The following COX15 variants were observed in gnomAD, a reference collection of about 807,000 sequenced individuals.
COX15 encodes the protein heme A synthase COX15.
COX15 carries 51 observed loss-of-function variants against 51.9 expected under a neutral mutation model. The observed-to-expected ratio is 0.98, with a 90% CI of 0.78 to 1.24. The LOEUF is 1.24. Among genes scored for constraint, COX15 ranks in the 50% most tolerant of loss-of-function variants. The pLI is 0.00. For synonymous variants in COX15, 188 were observed against 190.5 expected (o/e 0.99, Z 0.11); for missense variants, 420 against 501.1 (o/e 0.84, Z 1.55).
intron 7 of COX15, among the ~76,000 whole-genome samples, chr10:99,717,330 T>C (rs995303262): frequency 4.6e-5 from 7 of 152,202 alleles, no homozygotes; most frequent in African/African-American, 1.7e-4. Flanking sequence ...ACTTGATCTT[T>C]CTTCACCTTT....
At chr10:99,695,978 T>G in the COX15 span, 9 of 1,613,630 alleles carry the variant, frequency 5.6e-6, no homozygotes, top group African/African-American at 1.2e-4. Flanking sequence ...AAGATCCTGC[T>G]GGCTGAGTTC....
At chr10:99,727,269 T>G (rs1297791580) in intron 3 of COX15, 115 bp from the exon 4 acceptor site, 5 of 1,426,252 alleles carry the variant, frequency 3.5e-6, no homozygotes, top group Non-Finnish European at 4.9e-6. Context: ...AGGTCTGCCC[T>G]CTTCCTCATC....
In COX15 at chr10:99,724,134, C is replaced by G. The variant is rs1403014923; in HGVS notation, c.583-11G>C. The G allele has an allele frequency of 4.3e-6, 7 of 1,614,002 alleles. No homozygotes were observed. The South Asian group carries it at 6.6e-5, about 15-fold the overall frequency. On this transcript the variant is annotated splice_polypyrimidine_tract_variant and intron_variant, in intron 4 of 8. Coordinates refer to ENST00000016171, the MANE Select transcript of COX15 (RefSeq NM_078470.6). Reference sequence around the variant, plus strand: ...CCATCCCAACAGACCCTAGAACCCCCAAGAGATGAAGCAAACAAAACAAGG... The same window carrying G: ...CCATCCCAACAGACCCTAGAACCCCGAAGAGATGAAGCAAACAAAACAAGG...
At chr10:99,723,452 T>A (rs1564648016) in intron 5 of COX15, among the ~76,000 whole-genome samples, 1 of 151,686 alleles carries the variant, frequency 6.6e-6, no homozygotes, top group African/African-American at 2.4e-5. Context: ...AAGACTCATT[T>A]AAAAAAAAAT....
Position 99,711,410 on chromosome 10 carries a change from CCTTT to C in COX15, c.*3173_*3176del. The C allele has an allele frequency of 1.0e-6, 1 of 985,210 alleles. No homozygotes were observed. Among genetic ancestry groups the C allele is most frequent in the Non-Finnish European group, 1.2e-6 (1 of 829,922 alleles). 61.0% of individuals were successfully genotyped at this position (985,210 alleles called of 1,614,324 possible). A position where few individuals can be genotyped will look rare whatever the true frequency, so the allele number is the denominator to read the frequency against. ...GAACCTGCCTCAGGAACTACAGTTC[CCTTT>C]CTTTGAAGGATTCTATCCAGAAGAG... On this transcript the variant is annotated 3_prime_UTR_variant, in exon 9 of 9. Transcript: ENST00000016171.
intron 2 of COX15, among the ~76,000 whole-genome samples, chr10:99,729,155 GA>G (rs2037054174): frequency 6.6e-6 from 1 of 152,110 alleles, no homozygotes; most frequent in Non-Finnish European, 1.5e-5. Flanking sequence ...AGCTAGACTA[GA>G]TGCTCTGTAA....
In COX15 at chr10:99,711,429, A is replaced by G. The variant is rs2036381948; in HGVS notation, c.*3158T>C. ...CAGTTCCCTTTCTTTGAAGGATTCT[A>G]TCCAGAAGAGACCATATCCTACTAA... On this transcript the variant is annotated 3_prime_UTR_variant, in exon 9 of 9. Coordinates refer to ENST00000016171, the MANE Select transcript of COX15 (RefSeq NM_078470.6). 1 of 985,454 alleles carries G rather than the reference A, an allele frequency of 1.0e-6. No individual in the cohort carries two copies. Among genetic ancestry groups the G allele is most frequent in the Non-Finnish European group, 1.2e-6 (1 of 829,922 alleles). The allele number at this position is 985,454 out of a possible 1,614,324, so 61.0% of individuals were successfully genotyped here.
intron 2 of COX15, 43 bp from the exon 3 acceptor site, chr10:99,727,606 G>T (rs757743092): frequency 1.2e-6 from 2 of 1,607,696 alleles, no homozygotes; most frequent in Non-Finnish European, 8.5e-7. Flanking sequence ...CGTGAGGCTG[G>T]ATTACTCACA....
Position 99,732,084 on chromosome 10 carries a change from C to G in COX15, c.-35G>C. Reference sequence around the variant, plus strand: ...AGGGAACAGCCACCTCTTCCACAACCCAGGGCTCTGTGGTCTCCCTCCTCC... The same window carrying G: ...AGGGAACAGCCACCTCTTCCACAACGCAGGGCTCTGTGGTCTCCCTCCTCC... On this transcript the variant is annotated 5_prime_UTR_variant, in exon 1 of 9. Coordinates refer to ENST00000016171, the MANE Select transcript of COX15 (RefSeq NM_078470.6). The G allele has an allele frequency of 6.2e-7, 1 of 1,601,510 alleles. No individual in the cohort carries two copies. The highest frequency in any genetic ancestry group is 8.5e-7 in the Non-Finnish European group (1 of 1,173,916).
Position 99,732,012 on chromosome 10 carries a change from T to C in COX15, c.38A>G (p.Lys13Arg), listed in dbSNP as rs1279641167. 1.2e-6 allele frequency: 2 copies of C among 1,613,100 alleles called. No individual in the cohort carries two copies. The highest frequency in any genetic ancestry group is 3.3e-5 in the Admixed American group (2 of 59,904). Residue 13 changes from lysine (K) to arginine (R), a missense_variant, in exon 1 of 9, where the codon AAG (lysine) becomes AGG (arginine). Coordinates refer to ENST00000016171, the MANE Select transcript of COX15 (RefSeq NM_078470.6). ...CAGGAGCGGCAGATACTGCCTCCCC[T>C]TCAAGGCCCTCAACGGCGGAAAGAG... Reference protein sequence around the residue: ...RLLFPPLRALKGRQYLPLLAP... With the variant: ...RLLFPPLRALRGRQYLPLLAP...
intron 7 of COX15, among the ~76,000 whole-genome samples, chr10:99,717,805 C>T (rs758489137): frequency 1.3e-5 from 2 of 152,220 alleles, no homozygotes; most frequent in Non-Finnish European, 2.9e-5. Flanking sequence ...ATGCTTCTCA[C>T]AGTCTCCTTA....
chr10:99,704,905 G>A, the COX15 span: 5 of 565,850 alleles, frequency 8.8e-6, no homozygotes, highest in African/African-American at 9.4e-5. Flanking sequence ...GGAGATTGGT[G>A]CTAATACGGG....
chr10:99,700,394 GTGTGTGTGTGTGTGTGTGTA>G, the COX15 span, among the ~76,000 whole-genome samples: 69,881 of 127,954 alleles, frequency 0.55, 16,341 homozygotes, highest in African/African-American at 0.58. Flanking sequence ...CCAACGTACC[GTGTGTGTGTGTGTGTGTGTA>G]TGTGTGTGTG....
chr10:99,718,690 C>G (rs1250182666), intron 6 of COX15, among the ~76,000 whole-genome samples, 190 bp from the exon 7 acceptor site: 1 of 152,212 alleles, frequency 6.6e-6, no homozygotes, highest in Non-Finnish European at 1.5e-5. Context: ...CTTCAAATCT[C>G]TGCATCCTTA....
chr10:99,715,908 C>T (rs2036554333), intron 8 of COX15, among the ~76,000 whole-genome samples: 1 of 150,764 alleles, frequency 6.6e-6, no homozygotes, highest in African/African-American at 2.4e-5. Context: ...TATTGATGTC[C>T]TTTACTTATT....
At chr10:99,716,486 C>T in intron 7 of COX15, 25 bp from the exon 8 acceptor site, 2 of 1,494,118 alleles carry the variant, frequency 1.3e-6, no homozygotes, top group Non-Finnish European at 9.3e-7. Context: ...GAGTCTATCA[C>T]ATTAGATAGA....
At chr10:99,706,350 T>C (rs1444103501), downstream of COX15, 2 of 151,966 alleles carry the variant, frequency 1.3e-5, no homozygotes, top group Non-Finnish European at 2.9e-5. Context: ...TTTTTTTTCT[T>C]GGAGACAGGG....
chr10:99,704,646 A>T, the COX15 span: 1 of 1,613,924 alleles, frequency 6.2e-7, no homozygotes. Flanking sequence ...TGGCTTGAAG[A>T]GGTGGTGCCC....
chr10:99,714,620 C>T lies in COX15; in HGVS notation c.1200G>A (p.Trp400Ter), dbSNP rs201663231. Reference sequence around the variant, plus strand: ...GGACTCTTCGGAGTTCATTCATCAGCCAAAGAGCACCAGTGAGCAAAGCCA... The same window carrying T: ...GGACTCTTCGGAGTTCATTCATCAGTCAAAGAGCACCAGTGAGCAAAGCCA... The part of the protein sequence containing the change: ...GSLALLTGAL[W>*]LMNELRRVPK The change falls in exon 9 of 9, where the codon TGG (tryptophan) becomes TGA (stop). Residue 400 changes from tryptophan to a stop codon, truncating the protein, a stop_gained. Transcript: ENST00000016171. LOFTEE classifies it high-confidence loss of function. 1.2e-6 allele frequency: 2 copies of T among 1,613,992 alleles called. No homozygotes were observed. Among genetic ancestry groups the T allele is most frequent in the Non-Finnish European group, 1.7e-6 (2 of 1,180,020 alleles).
Sources: allele counts gnomAD v4.1 joint callset (sites outside exome capture counted in the v4.1 genomes callset), GRCh38; gene constraint gnomAD v4.1.1; transcripts MANE v1.5; gene names NCBI Gene and HGNC (gene_info 2026-07-23, HGNC 2026-07-21).